Variants in PDE11A observed in about 807,000 individuals in gnomAD.
PDE11A encodes the protein dual 3',5'-cyclic-AMP and -GMP phosphodiesterase 11A.
In PDE11A, 100 loss-of-function variants were observed where a neutral mutation model predicts 100.5. The ratio of observed to expected loss-of-function variants is 1.00; its 90% CI spans 0.85 to 1.18. PDE11A has a LOEUF of 1.18. Ranked by LOEUF, PDE11A falls within the 50% of genes most tolerant of loss-of-function variation. The probability of loss-of-function intolerance (pLI) is 0.00; values close to 1 mark genes in which losing one functional copy is unlikely to be tolerated. For missense variants in PDE11A, 1,141 were observed against 1,152.6 expected, an observed-to-expected ratio of 0.99 and a Z score of 0.15; for synonymous variants, 381 against 420.8, an observed-to-expected ratio of 0.91 and a Z score of 1.16.
chr2:177,629,691 T>A, intron 19 of PDE11A, 129 bp from the exon 20 acceptor site: 2 of 918,372 alleles, frequency 2.2e-6, no homozygotes, highest in Middle Eastern at 2.9e-4. Context: ...ATTATTTTGG[T>A]AAACAAGAGC....
intron 2 of PDE11A, among the ~76,000 whole-genome samples, chr2:177,955,541 T>C (rs1478549505): frequency 1.3e-5 from 2 of 152,170 alleles, no homozygotes; most frequent in African/African-American, 4.8e-5. Flanking sequence ...CTAAGAGACA[T>C]TGAAGAGCTG....
intron 6 of PDE11A, among the ~76,000 whole-genome samples, chr2:177,832,441 C>T (rs1305161074): frequency 2.6e-5 from 4 of 152,180 alleles, no homozygotes; most frequent in African/African-American, 2.4e-5. Flanking sequence ...CCTCGAACAT[C>T]GGTCTCCAAG....
chr2:177,986,816 G>A (rs1326138406), intron 2 of PDE11A, among the ~76,000 whole-genome samples: 1 of 147,226 alleles, frequency 6.8e-6, no homozygotes, highest in Non-Finnish European at 1.5e-5. Context: ...AGGCAACAGA[G>A]TGAGACTCCA....
At chr2:177,703,914 AT>A (rs1365552362) in intron 13 of PDE11A, among the ~76,000 whole-genome samples, 1 of 152,146 alleles carries the variant, frequency 6.6e-6, no homozygotes, top group African/African-American at 2.4e-5. Flanking sequence ...ATCTCCCAGT[AT>A]TTGTGCAAAG....
chr2:177,892,692 C>T (rs553729387), intron 4 of PDE11A, among the ~76,000 whole-genome samples: 97 of 152,338 alleles, frequency 6.4e-4, no homozygotes, highest in African/African-American at 2.3e-3. Context: ...CAGTCACCTG[C>T]TCACCCAGAC....
At chr2:177,992,207 C>T (rs908654598) in intron 2 of PDE11A, among the ~76,000 whole-genome samples, 1 of 151,196 alleles carries the variant, frequency 6.6e-6, no homozygotes, top group African/African-American at 2.4e-5. Context: ...AGCATTATAT[C>T]AAAATAATAC....
At chr2:177,928,558 A>G (rs148154471) in intron 2 of PDE11A, among the ~76,000 whole-genome samples, 6 of 152,320 alleles carry the variant, frequency 3.9e-5, no homozygotes, top group African/African-American at 4.8e-5. Context: ...TAAGTGCAGT[A>G]TCTCCAGTTC....
intron 5 of PDE11A, among the ~76,000 whole-genome samples, chr2:177,858,084 T>A (rs2083874751): frequency 6.6e-6 from 1 of 151,912 alleles, no homozygotes; most frequent in African/African-American, 2.4e-5. Context: ...TTACACCTTA[T>A]AAAAAATTAA....
intron 19 of PDE11A, among the ~76,000 whole-genome samples, chr2:177,630,468 C>T (rs1410237207): frequency 6.6e-6 from 1 of 151,990 alleles, no homozygotes; most frequent in Admixed American, 6.5e-5. Flanking sequence ...GAGGGCTTCT[C>T]CAAGATAGGG....
At chr2:177,856,250 TAGC>T (rs2083830968) in intron 5 of PDE11A, among the ~76,000 whole-genome samples, 1 of 151,902 alleles carries the variant, frequency 6.6e-6, no homozygotes. Flanking sequence ...GAACAGCAAA[TAGC>T]AGTAACAACA....
At chr2:178,026,884 A>T (rs925168066) in intron 1 of PDE11A, among the ~76,000 whole-genome samples, 2 of 152,136 alleles carry the variant, frequency 1.3e-5, no homozygotes, top group South Asian at 4.1e-4. Context: ...CTCACATCAG[A>T]CATCAAAATT....
chr2:177,630,664 G>T (rs1488881277), intron 19 of PDE11A, among the ~76,000 whole-genome samples: 3 of 151,994 alleles, frequency 2.0e-5, no homozygotes, highest in Non-Finnish European at 2.9e-5. Flanking sequence ...TTAAATGCAT[G>T]AATATCTACA....
chr2:177,656,349 G>A lies in PDE11A; in HGVS notation c.2646+7517C>T, dbSNP rs563979229. Among the ~76,000 whole-genome samples the A allele has an allele frequency of 7.9e-5, 12 of 152,324 alleles. No individual in the cohort carries two copies. In the South Asian group the frequency reaches 2.1e-3, roughly 26 times the overall value. ...TGCTGTACAGGTTTGTAGCCTGGGA[G>A]CAATAGGCTATCCCATATAGCCTAG... On this transcript the variant is annotated intron_variant, in intron 19 of 19. Coordinates refer to ENST00000286063, the MANE Select transcript of PDE11A (RefSeq NM_016953.4).
chr2:178,102,190 G>C (rs2087567447), intron 2 of PDE11A, among the ~76,000 whole-genome samples: 1 of 151,746 alleles, frequency 6.6e-6, no homozygotes, highest in African/African-American at 2.4e-5. Flanking sequence ...GCAGTGGCAT[G>C]ATCTTGGCTC....
At chr2:178,104,601 T>A (rs573287158) in intron 1 of PDE11A, 2 of 752,824 alleles carry the variant, frequency 2.7e-6, no homozygotes, top group African/African-American at 1.8e-5. Context: ...CAAAAACATA[T>A]CCTTTAAAGC....
rs572529023 is a variant in PDE11A, at chr2:177,789,262, A to G, written c.1738-19889T>C. Among the ~76,000 whole-genome samples the G allele has an allele frequency of 6.9e-3, 1,046 of 152,292 alleles. 11 individuals carry two copies. The highest frequency in any genetic ancestry group is 0.023 in the African/African-American group (949 of 41,550). On this transcript the variant is annotated intron_variant, in intron 9 of 19. Transcript: ENST00000286063. Reference sequence around the variant, plus strand: ...CACAAATCAATAAATGTAATCCAGCATATAAACAGAACCAAAGACAAAAAC... The same window carrying G: ...CACAAATCAATAAATGTAATCCAGCGTATAAACAGAACCAAAGACAAAAAC...
chr2:177,840,941 A>G (rs190079519), intron 5 of PDE11A, among the ~76,000 whole-genome samples: 1 of 152,328 alleles, frequency 6.6e-6, no homozygotes, highest in East Asian at 1.9e-4. Context: ...AACTTTTAGT[A>G]TCTTAGTTAA....
intron 5 of PDE11A, among the ~76,000 whole-genome samples, chr2:177,866,060 T>C (rs2084023265): frequency 6.6e-6 from 1 of 152,154 alleles, no homozygotes. Flanking sequence ...AGCATAAATA[T>C]GATAATTACG....
At position 177,629,531 on chromosome 2, in the gene PDE11A, G is replaced by A. The variant is rs200504859; in HGVS notation, c.2678C>T (p.Pro893Leu). 128 of 1,613,708 alleles carry A rather than the reference G, an allele frequency of 7.9e-5. 1 individual carries two copies. In the South Asian group the frequency reaches 8.1e-4, roughly 10 times the overall value. ...ALVKVNVKLK[P>L]MLDSVATNRS... ...GTTTGTAGCTACTGAATCTAGCATCGGCTTCAGTTTCACGTTGACCTTCAC... is the reference window on the plus strand; with the variant it reads ...GTTTGTAGCTACTGAATCTAGCATCAGCTTCAGTTTCACGTTGACCTTCAC... Residue 893 changes from proline to leucine, a missense_variant, in exon 20 of 20, where the codon CCG becomes CTG. By Grantham distance (98) the Pro-to-Leu change is moderately conservative (BLOSUM62 -3). Transcript: ENST00000286063.
Sources: allele counts gnomAD v4.1 joint callset (sites outside exome capture counted in the v4.1 genomes callset), GRCh38; gene constraint gnomAD v4.1.1; transcripts MANE v1.5; gene names NCBI Gene and HGNC (gene_info 2026-07-23, HGNC 2026-07-21).